DLG1: variants seen among roughly 807,000 people sequenced by gnomAD.
DLG1 encodes discs large MAGUK scaffold protein 1.
In DLG1, 42 loss-of-function variants were observed where a neutral mutation model predicts 123.4. The ratio of observed to expected loss-of-function variants is 0.34; its 90% CI spans 0.27 to 0.44. The LOEUF (loss-of-function observed/expected upper bound fraction) is 0.44. Among genes scored for constraint, DLG1 ranks in the 20% least tolerant of loss-of-function variants. DLG1 has a pLI of 1.00. For synonymous variants in DLG1, 317 were observed against 356.2 expected, an observed-to-expected ratio of 0.89 and a Z score of 1.24; for missense variants, 942 against 1,082.6, an observed-to-expected ratio of 0.87 and a Z score of 1.82.
chr3:197,209,198 G>A (rs1730114671), intron 4 of DLG1, among the ~76,000 whole-genome samples: 1 of 146,082 alleles, frequency 6.8e-6, no homozygotes, highest in African/African-American at 2.4e-5. Flanking sequence ...GCATATGAAT[G>A]AAAAGAAAAG....
chr3:197,272,466 T>C (rs1039060989), intron 4 of DLG1, among the ~76,000 whole-genome samples: 1 of 152,244 alleles, frequency 6.6e-6, no homozygotes, highest in African/African-American at 2.4e-5. Flanking sequence ...GCCCTCATTT[T>C]TGAAATAACA....
intron 5 of DLG1, chr3:197,183,597 G>C: frequency 6.5e-7 from 1 of 1,550,382 alleles, no homozygotes; most frequent in Non-Finnish European, 8.7e-7. Flanking sequence ...GGTGGCTACC[G>C]AGATGCAGTC....
chr3:197,053,142 T>C (rs1041661446), intron 23 of DLG1, among the ~76,000 whole-genome samples: 1 of 152,168 alleles, frequency 6.6e-6, no homozygotes, highest in Non-Finnish European at 1.5e-5. Context: ...GGATAATTAT[T>C]GCTGCAGCTG....
chr3:197,223,864 T>C (rs752797649), intron 4 of DLG1, among the ~76,000 whole-genome samples: 7 of 152,226 alleles, frequency 4.6e-5, no homozygotes, highest in Non-Finnish European at 7.3e-5. Context: ...TTAATAAATT[T>C]TGCATCTATC....
At chr3:197,052,789 AGGTGTGGCGG>A (rs909104501) in intron 23 of DLG1, among the ~76,000 whole-genome samples, 2 of 152,130 alleles carry the variant, frequency 1.3e-5, no homozygotes, top group Non-Finnish European at 2.9e-5. Flanking sequence ...AATAAATGGG[AGGTGTGGCGG>A]GGTGGGGGCA....
chr3:197,125,665 T>A (rs1560858494), intron 11 of DLG1, among the ~76,000 whole-genome samples: 1 of 152,160 alleles, frequency 6.6e-6, no homozygotes, highest in African/African-American at 2.4e-5. Context: ...AAATCTAAAG[T>A]ATTATCTTAG....
intron 18 of DLG1, among the ~76,000 whole-genome samples, chr3:197,072,328 T>C (rs1369752410): frequency 6.6e-6 from 1 of 152,134 alleles, no homozygotes; most frequent in Non-Finnish European, 1.5e-5. Flanking sequence ...GATGTGCTTT[T>C]TCAGGAAGGC....
intron 3 of DLG1, among the ~76,000 whole-genome samples, chr3:197,288,743 A>AATACATAC (rs57200229): frequency 0.029 from 2,071 of 71,960 alleles, 86 homozygotes; most frequent in Middle Eastern, 0.047. Flanking sequence ...AAAAAAAAAA[A>AATACATAC]ATACATACAT....
intron 5 of DLG1, among the ~76,000 whole-genome samples, chr3:197,190,818 G>A (rs1577823974): frequency 6.6e-6 from 1 of 152,288 alleles, no homozygotes; most frequent in East Asian, 1.9e-4. Context: ...AGACCATCCT[G>A]GCTAACACGG....
At chr3:197,130,022 G>A (rs1348335289) in intron 11 of DLG1, among the ~76,000 whole-genome samples, 2 of 152,112 alleles carry the variant, frequency 1.3e-5, no homozygotes, top group Non-Finnish European at 2.9e-5. Context: ...GAGACATGAA[G>A]TGAGAACATG....
At chr3:197,172,092 C>A (rs540813185) in intron 5 of DLG1, among the ~76,000 whole-genome samples, 1 of 152,152 alleles carries the variant, frequency 6.6e-6, no homozygotes. Context: ...TACACTCATA[C>A]GTCACATATC....
intron 4 of DLG1, among the ~76,000 whole-genome samples, chr3:197,202,654 A>G (rs1158792728): frequency 3.3e-5 from 5 of 152,254 alleles, no homozygotes; most frequent in African/African-American, 9.6e-5. Context: ...CAATCAAGGC[A>G]GTATCATCTT....
intron 4 of DLG1, among the ~76,000 whole-genome samples, chr3:197,225,342 A>C (rs1343408600): frequency 2.0e-5 from 3 of 152,176 alleles, no homozygotes; most frequent in Non-Finnish European, 4.4e-5. Flanking sequence ...CACATTACTA[A>C]ATTAACCAGT....
intron 24 of DLG1, among the ~76,000 whole-genome samples, chr3:197,049,641 A>G (rs62409323): frequency 0.33 from 49,637 of 152,102 alleles, 9,764 homozygotes; most frequent in East Asian, 0.72. Flanking sequence ...AATCCCAGCT[A>G]CTCAGGAGGC....
chr3:197,086,568 C>T (rs912593979), intron 15 of DLG1, among the ~76,000 whole-genome samples: 2 of 152,126 alleles, frequency 1.3e-5, no homozygotes, highest in Non-Finnish European at 2.9e-5. Context: ...ATCTTTTTCA[C>T]ACTACCCAAC....
At chr3:197,233,574 G>A (rs1013735683) in intron 4 of DLG1, among the ~76,000 whole-genome samples, 1 of 152,134 alleles carries the variant, frequency 6.6e-6, no homozygotes, top group Admixed American at 6.5e-5. Flanking sequence ...TGGTAGAGAC[G>A]GGGTTTCACC....
intron 16 of DLG1, among the ~76,000 whole-genome samples, chr3:197,084,785 T>C (rs1051329614): frequency 6.6e-6 from 1 of 151,464 alleles, no homozygotes; most frequent in Non-Finnish European, 1.5e-5. Flanking sequence ...TAGATAGATA[T>C]AGATATAGAT....
intron 4 of DLG1, among the ~76,000 whole-genome samples, chr3:197,239,178 C>A (rs541626130): frequency 6.6e-6 from 1 of 151,842 alleles, no homozygotes; most frequent in African/African-American, 2.4e-5. Context: ...AATAGGATAA[C>A]AGAGTCCTAT....
rs201168091 is a variant in DLG1 at position 197,081,155 on chromosome 3, A to C, written c.1839-38T>G. ...AGAATGTTATTTTTTAAGTAAACCA[A>C]ACATATCTGGGGTCTTACTAGAAAT... is the stretch of plus-strand genomic sequence containing the variant. On this transcript the variant is annotated intron_variant, in intron 16 of 24. Coordinates refer to ENST00000667157, the MANE Select transcript of DLG1 (RefSeq NM_001366207.1). 2.2e-4 allele frequency: 351 copies of C among 1,577,146 alleles called. 1 individual carries two copies. Among genetic ancestry groups the C allele is most frequent in the Non-Finnish European group, 2.8e-4 (326 of 1,152,648 alleles).
Sources: allele counts gnomAD v4.1 joint callset (sites outside exome capture counted in the v4.1 genomes callset), GRCh38; gene constraint gnomAD v4.1.1; transcripts MANE v1.5; gene names NCBI Gene and HGNC (gene_info 2026-07-23, HGNC 2026-07-21).